CEP170: variants seen among roughly 807,000 people sequenced by gnomAD.
The protein encoded by CEP170 is centrosomal protein of 170 kDa.
A neutral mutation model predicts 151.9 loss-of-function variants in CEP170; 21 were observed. The ratio of observed to expected loss-of-function variants is 0.14; its 90% CI spans 0.10 to 0.20. The LOEUF (loss-of-function observed/expected upper bound fraction) is 0.20, where lower values mean the gene tolerates loss of function less well. Ranked by LOEUF, CEP170 falls within the 10% of genes least tolerant of loss-of-function variation. CEP170 has a pLI of 1.00. For missense variants in CEP170, 964 were observed against 1,892.9 expected, an observed-to-expected ratio of 0.51 and a Z score of 9.11; for synonymous variants, 356 against 648.8, an observed-to-expected ratio of 0.55 and a Z score of 6.86.
rs1558452605 is a variant in CEP170 at position 243,159,803 on chromosome 1, T to TGTGTGTGTGTGTGTGTGTGTGTG, written c.3677-3349_3677-3348insCACACACACACACACACACACAC. Among the ~76,000 whole-genome samples the TGTGTGTGTGTGTGTGTGTGTGTG allele has an allele frequency of 7.7e-5, 4 of 51,810 alleles. No homozygotes were observed. The South Asian group carries it at 2.8e-3, about 36-fold the overall frequency. 34.0% of individuals were successfully genotyped at this position (51,810 alleles called of 152,430 possible). On this transcript the variant is annotated intron_variant, in intron 13 of 19. Transcript: ENST00000366542. ...TGTGTGTGTGTGTGTGTGTGTGTGT[T>TGTGTGTGTGTGTGTGTGTGTGTG]TTTGAGATGGAGTCTCCCTCTGTCA...
intron 2 of CEP170, among the ~76,000 whole-genome samples, chr1:243,222,318 CTG>C (rs2062893193): frequency 6.6e-6 from 1 of 152,164 alleles, no homozygotes; most frequent in South Asian, 2.1e-4. Flanking sequence ...GGCTCTAAAA[CTG>C]GAATTCACGG....
intron 14 of CEP170, among the ~76,000 whole-genome samples, chr1:243,143,504 T>A (rs2056123100): frequency 6.6e-6 from 1 of 151,868 alleles, no homozygotes; most frequent in South Asian, 2.1e-4. Flanking sequence ...TCTTTTAGAG[T>A]TTTTTTTAAG....
chr1:243,222,480 G>A (rs2062904042), intron 2 of CEP170, among the ~76,000 whole-genome samples: 1 of 152,128 alleles, frequency 6.6e-6, no homozygotes, highest in Non-Finnish European at 1.5e-5. Flanking sequence ...GCAGATGGAA[G>A]CACCCAAAAG....
At chr1:243,149,385 G>C (rs1356940235) in intron 14 of CEP170, among the ~76,000 whole-genome samples, 1 of 152,108 alleles carries the variant, frequency 6.6e-6, no homozygotes, top group African/African-American at 2.4e-5. Context: ...TATTTTTAGA[G>C]ACTTAGGTAC....
intron 3 of CEP170, among the ~76,000 whole-genome samples, chr1:243,212,390 AAAG>A (rs999363527): frequency 5.9e-5 from 9 of 152,296 alleles, no homozygotes; most frequent in South Asian, 2.1e-4. Context: ...GAATTATTAT[AAAG>A]AAGAAGAAGA....
chr1:243,181,611 C>T (rs1239050088), intron 10 of CEP170, among the ~76,000 whole-genome samples: 1 of 152,102 alleles, frequency 6.6e-6, no homozygotes, highest in Non-Finnish European at 1.5e-5. Context: ...GCAACTCTTC[C>T]CAAGGTAAGA....
chr1:243,212,263 G>A (rs1238620135), intron 3 of CEP170, among the ~76,000 whole-genome samples: 4 of 152,152 alleles, frequency 2.6e-5, no homozygotes, highest in South Asian at 2.1e-4. Context: ...CTGGCAAACC[G>A]CAAAGGGTAA....
At chr1:243,182,506 T>TAA (rs1000449330) in intron 10 of CEP170, among the ~76,000 whole-genome samples, 5 of 152,042 alleles carry the variant, frequency 3.3e-5, no homozygotes, top group African/African-American at 1.2e-4. Context: ...TTCTGGCATT[T>TAA]CCAATGTTCA....
At chr1:243,189,543 G>A (rs1222434821) in intron 8 of CEP170, among the ~76,000 whole-genome samples, 69 of 138,742 alleles carry the variant, frequency 5.0e-4, no homozygotes, top group African/African-American at 1.9e-3. Flanking sequence ...GTGACAAAGC[G>A]AGACTCTGTC....
At chr1:243,250,944 A>C (rs1001366639) in intron 1 of CEP170, among the ~76,000 whole-genome samples, 1 of 152,248 alleles carries the variant, frequency 6.6e-6, no homozygotes, top group Non-Finnish European at 1.5e-5. Context: ...CAGAACACAA[A>C]GAATAGCACT....
chr1:243,194,150 G>A (rs182442772), intron 7 of CEP170, among the ~76,000 whole-genome samples: 54 of 151,424 alleles, frequency 3.6e-4, no homozygotes, highest in African/African-American at 1.3e-3. Flanking sequence ...ACAAAAGTGA[G>A]GATTAAGGAC....
chr1:243,153,393 A>T (rs867894235), intron 14 of CEP170, among the ~76,000 whole-genome samples: 1 of 152,224 alleles, frequency 6.6e-6, no homozygotes, highest in South Asian at 2.1e-4. Context: ...TACTCTGGGT[A>T]AAATGCTATC....
At chr1:243,145,685 T>C (rs2056396346) in intron 14 of CEP170, among the ~76,000 whole-genome samples, 1 of 152,182 alleles carries the variant, frequency 6.6e-6, no homozygotes, top group African/African-American at 2.4e-5. Flanking sequence ...TTGATATTAC[T>C]GGAAAAAAGC....
intron 8 of CEP170, among the ~76,000 whole-genome samples, 160 bp downstream of exon 8, chr1:243,190,858 A>G (rs1572157410): frequency 6.6e-6 from 1 of 152,228 alleles, no homozygotes; most frequent in African/African-American, 2.4e-5. Context: ...GAAATTGGAC[A>G]TGGGCAGTGT....
In CEP170 at chr1:243,200,658, A is replaced by T. The variant is rs747213185; in HGVS notation, c.356T>A (p.Leu119His). The change falls in exon 6 of 20, where the codon CTT (leucine) becomes CAT (histidine). Residue 119 changes from leucine (L) to histidine (H), a missense_variant. Coordinates refer to ENST00000366542, the MANE Select transcript of CEP170 (RefSeq NM_014812.3). ...ALKHEKFTIQ[L>H]QLSQKSSESE... The stretch of plus-strand genomic sequence containing the variant: ...TTCTGAAGATTTTTGGGACAACTGA[A>T]GCTGAATGGTAAACTTCTCATGCTA... 6.6e-7 allele frequency: 1 copy of T among 1,521,906 alleles called. No individual in the cohort carries two copies. The highest frequency in any genetic ancestry group is 8.8e-7 in the Non-Finnish European group (1 of 1,138,658). 94.3% of individuals were successfully genotyped at this position (1,521,906 alleles called of 1,614,324 possible).
intron 10 of CEP170, among the ~76,000 whole-genome samples, chr1:243,183,882 G>A (rs1238792490): frequency 6.6e-6 from 1 of 152,146 alleles, no homozygotes; most frequent in African/African-American, 2.4e-5. Context: ...GATAATTGTA[G>A]GCAACAGGTG....
At chr1:243,128,524 T>G in intron 18 of CEP170, 1 of 488,502 alleles carries the variant, frequency 2.0e-6, no homozygotes. Flanking sequence ...TTCAGTGAGA[T>G]GATTGTAGCA....
chr1:243,136,861 G>T (rs1359036814), intron 16 of CEP170, among the ~76,000 whole-genome samples: 1 of 151,984 alleles, frequency 6.6e-6, no homozygotes, highest in Non-Finnish European at 1.5e-5. Context: ...AAATCAAGAA[G>T]AGTACAATCC....
intron 14 of CEP170, among the ~76,000 whole-genome samples, chr1:243,151,247 C>T (rs947527886): frequency 3.3e-5 from 5 of 150,950 alleles, no homozygotes; most frequent in African/African-American, 1.2e-4. Flanking sequence ...TCTTCTTTTC[C>T]CATGCCTTTT....
Sources: gnomAD v4.1 joint callset for allele counts (sites outside exome capture counted in the v4.1 genomes callset) on GRCh38, gnomAD v4.1.1 for gene constraint, MANE v1.5 for transcripts, NCBI Gene and HGNC (gene_info 2026-07-23, HGNC 2026-07-21) for gene names.